FHIT: variants seen among roughly 807,000 people sequenced by gnomAD.
The protein encoded by FHIT is bis(5'-adenosyl)-triphosphatase.
In FHIT, 19 loss-of-function variants were observed where a neutral mutation model predicts 17.9. That is an observed-to-expected ratio of 1.06 (90% CI 0.74 to 1.56). The LOEUF (loss-of-function observed/expected upper bound fraction) is 1.56, where lower values mean the gene tolerates loss of function less well. Among genes scored for constraint, FHIT ranks in the 40% most tolerant of loss-of-function variants. FHIT has a pLI of 0.00. For synonymous variants in FHIT, 81 were observed against 69.7 expected (o/e 1.16, Z -0.81); for missense variants, 248 against 189.2 (o/e 1.31, Z -1.82).
At position 60,368,156 on chromosome 3, in the gene FHIT, C is replaced by T. The variant is rs114800221; in HGVS notation, c.103+168704G>A. Reference sequence around the variant, plus strand: ...TACTTTCCTTTTGTAGGGGTAAATACCAGGAAATGGAACTGTAAAATCATA... The same window carrying T: ...TACTTTCCTTTTGTAGGGGTAAATATCAGGAAATGGAACTGTAAAATCATA... On this transcript the variant is annotated intron_variant, in intron 5 of 9. Transcript: ENST00000492590. Among the ~76,000 whole-genome samples, 151 of 146,120 alleles carry T rather than the reference C, an allele frequency of 1.0e-3. 2 individuals are homozygous for T. Among genetic ancestry groups the T allele is most frequent in the African/African-American group, 3.4e-3 (132 of 39,294 alleles).
intron 5 of FHIT, among the ~76,000 whole-genome samples, chr3:60,357,771 T>A (rs752834669): frequency 4.6e-5 from 7 of 151,982 alleles, no homozygotes; most frequent in Non-Finnish European, 1.0e-4. Context: ...TTAAAAGCAT[T>A]GATCTATGTT....
At chr3:60,174,110 C>T (rs188519830) in intron 5 of FHIT, among the ~76,000 whole-genome samples, 12 of 150,990 alleles carry the variant, frequency 7.9e-5, no homozygotes, top group African/African-American at 9.7e-5. Flanking sequence ...GACAGTTTCA[C>T]CATGTTGGCC....
At chr3:59,821,483 C>T (rs1297662807) in intron 8 of FHIT, among the ~76,000 whole-genome samples, 1 of 152,074 alleles carries the variant, frequency 6.6e-6, no homozygotes, top group African/African-American at 2.4e-5. Flanking sequence ...TTCCTCAAAC[C>T]CACCCCCTGG....
At position 60,636,793 on chromosome 3, in the gene FHIT, C is replaced by T. The variant is rs571229726; in HGVS notation, c.-17-99814G>A. On this transcript the variant is annotated intron_variant, in intron 4 of 9. Transcript: ENST00000492590. ...TGAGGATACTTTTAGCTGTTGGACA[C>T]GGAGAAGGTTTTCTCTTGGTCTTTT... 1.1e-3 allele frequency among the ~76,000 whole-genome samples: 161 copies of T among 152,242 alleles called. 1 individual carries two copies. The highest frequency in any genetic ancestry group is 3.6e-3 in the African/African-American group (149 of 41,554).
At chr3:59,831,840 G>A (rs1701174825) in intron 8 of FHIT, among the ~76,000 whole-genome samples, 1 of 152,100 alleles carries the variant, frequency 6.6e-6, no homozygotes, top group East Asian at 1.9e-4. Context: ...AAAAAGCAGG[G>A]TGATATAGAG....
chr3:60,906,122 A>G (rs1180092539), intron 3 of FHIT, among the ~76,000 whole-genome samples: 1 of 152,264 alleles, frequency 6.6e-6, no homozygotes, highest in Non-Finnish European at 1.5e-5. Context: ...TTCTGAAGAC[A>G]GTATTCTGAA....
intron 1 of FHIT, among the ~76,000 whole-genome samples, chr3:61,234,257 C>T (rs771532596): frequency 6.6e-6 from 1 of 152,110 alleles, no homozygotes; most frequent in Admixed American, 6.5e-5. Flanking sequence ...AGCTTTACAA[C>T]GTGGCCCAGC....
intron 4 of FHIT, among the ~76,000 whole-genome samples, chr3:60,803,115 A>G (rs1701253156): frequency 6.6e-6 from 1 of 152,162 alleles, no homozygotes; most frequent in African/African-American, 2.4e-5. Context: ...AGAAAGTGTA[A>G]GAAAACAAGT....
At position 59,986,404 on chromosome 3, in the gene FHIT, TCAAA is replaced by T. The variant is rs745384502; in HGVS notation, c.279+24963_279+24966del. Among the ~76,000 whole-genome samples the T allele has an allele frequency of 1.6e-4, 24 of 149,314 alleles. No individual in the cohort carries two copies. The East Asian group carries it at 1.8e-3, about 11-fold the overall frequency. On this transcript the variant is annotated intron_variant, in intron 7 of 9. Transcript: ENST00000492590. ...TTTTTCCTTCTTGTGCCCTTACTTC[TCAAA>T]CAGTTATTCCCTTTGCTATATCACC...
chr3:60,541,486 T>C (rs926497139), intron 4 of FHIT, among the ~76,000 whole-genome samples: 4 of 152,126 alleles, frequency 2.6e-5, no homozygotes, highest in African/African-American at 9.7e-5. Flanking sequence ...ATATTCTACA[T>C]GTGGGGCTAT....
chr3:60,460,732 G>A (rs1242843710), intron 5 of FHIT, among the ~76,000 whole-genome samples: 1 of 152,130 alleles, frequency 6.6e-6, no homozygotes, highest in Non-Finnish European at 1.5e-5. Context: ...AGTTTAATTT[G>A]TGAATCTACT....
intron 3 of FHIT, among the ~76,000 whole-genome samples, chr3:60,895,752 A>G (rs1705779991): frequency 8.9e-6 from 1 of 112,452 alleles, no homozygotes; most frequent in Non-Finnish European, 1.8e-5. Context: ...TTTTGGTTAT[A>G]TCTTACTCAT....
In FHIT at chr3:61,060,580, A is replaced by G. The variant is rs945312199; in HGVS notation, c.-163-18481T>C. Among the ~76,000 whole-genome samples, 109 of 152,222 alleles carry G rather than the reference A, an allele frequency of 7.2e-4. 1 individual carries two copies. Among genetic ancestry groups the G allele is most frequent in the Admixed American group, 2.0e-4 (3 of 15,274 alleles). ...CTGTCATCTGTGTGTACTCCTCATT[A>G]AGTACCACATTATGGGCCATCATAT... On this transcript the variant is annotated intron_variant, in intron 2 of 9. Coordinates refer to ENST00000492590, the MANE Select transcript of FHIT (RefSeq NM_002012.4).
intron 5 of FHIT, among the ~76,000 whole-genome samples, chr3:60,533,266 C>G (rs780326776): frequency 6.6e-6 from 1 of 152,096 alleles, no homozygotes; most frequent in Non-Finnish European, 1.5e-5. Flanking sequence ...GGATGGGAAA[C>G]GGGAAAAGGT....
chr3:59,928,221 A>T (rs141097516), intron 7 of FHIT, among the ~76,000 whole-genome samples: 22 of 152,354 alleles, frequency 1.4e-4, no homozygotes, highest in African/African-American at 5.3e-4. Flanking sequence ...GCCACCTTCA[A>T]AGTTATCCAT....
intron 7 of FHIT, among the ~76,000 whole-genome samples, chr3:59,976,832 C>G (rs1708434531): frequency 6.6e-6 from 1 of 152,070 alleles, no homozygotes; most frequent in South Asian, 2.1e-4. Flanking sequence ...TAAACTTATA[C>G]AACAAAGACA....
Position 59,749,311 on chromosome 3 carries a change from T to G in FHIT, c.*274A>C, listed in dbSNP as rs752277677. 1.3e-4 allele frequency: 29 copies of G among 229,258 alleles called. No individual in the cohort carries two copies. The highest frequency in any genetic ancestry group is 2.3e-4 in the Admixed American group (4 of 17,482). 14.2% of individuals were successfully genotyped at this position (229,258 alleles called of 1,614,324 possible). A position where few individuals can be genotyped will look rare whatever the true frequency, so the allele number is the denominator to read the frequency against. On this transcript the variant is annotated 3_prime_UTR_variant, in exon 10 of 10. Coordinates refer to ENST00000492590, the MANE Select transcript of FHIT (RefSeq NM_002012.4). ...AAGTCAATACACCGAGACACAGGGT[T>G]GCAGCAGAGAAGGAAGTTTAATCAT...
At chr3:61,215,451 C>T (rs1181835142) in intron 1 of FHIT, among the ~76,000 whole-genome samples, 2 of 152,132 alleles carry the variant, frequency 1.3e-5, no homozygotes, top group Admixed American at 6.5e-5. Context: ...CATGAAGGAC[C>T]TCTTCAAGGA....
intron 4 of FHIT, among the ~76,000 whole-genome samples, chr3:60,709,400 T>C (rs9837071): frequency 0.02 from 3,008 of 152,200 alleles, 123 homozygotes; most frequent in African/African-American, 0.068. Flanking sequence ...AATAGCCTTT[T>C]CAAATAACTG....
Sources: gnomAD v4.1 joint callset for allele counts (sites outside exome capture counted in the v4.1 genomes callset) on GRCh38, gnomAD v4.1.1 for gene constraint, MANE v1.5 for transcripts, NCBI Gene and HGNC (gene_info 2026-07-23, HGNC 2026-07-21) for gene names.